Variants in NETO1 observed in about 807,000 individuals in gnomAD.
NETO1 encodes the protein neuropilin and tolloid-like protein 1.
A neutral mutation model predicts 61.3 loss-of-function variants in NETO1; 26 were observed. The ratio of observed to expected loss-of-function variants is 0.42; its 90% CI spans 0.31 to 0.59. The LOEUF (loss-of-function observed/expected upper bound fraction) is 0.59, where lower values mean the gene tolerates loss of function less well. Among genes scored for constraint, NETO1 ranks in the 20% least tolerant of loss-of-function variants. The pLI, the probability that NETO1 is intolerant of heterozygous loss-of-function variation, is 0.12. For missense variants in NETO1, 531 were observed against 662.8 expected (o/e 0.80, Z 2.18); for synonymous variants, 225 against 225.8 (o/e 1.00, Z 0.03).
At chr18:72,821,980 G>A (rs547011884) in intron 4 of NETO1, among the ~76,000 whole-genome samples, 1 of 152,284 alleles carries the variant, frequency 6.6e-6, no homozygotes, top group East Asian at 1.9e-4. Context: ...TGGGAGTGGG[G>A]CCACTGAGGA....
At chr18:72,772,089 T>C (rs1200315146) in intron 7 of NETO1, among the ~76,000 whole-genome samples, 2 of 152,180 alleles carry the variant, frequency 1.3e-5, no homozygotes, top group African/African-American at 2.4e-5. Context: ...GTCCCCACTT[T>C]CATGCTGACT....
chr18:72,748,298 A>C (rs527879601), intron 10 of NETO1, 134 bp from the exon 11 acceptor site: 1 of 984,700 alleles, frequency 1.0e-6, no homozygotes, highest in African/African-American at 1.7e-5. Context: ...TGAGGAGTTT[A>C]GAAGAGATTA....
intron 9 of NETO1, 54 bp from the exon 10 acceptor site, chr18:72,749,142 T>C: frequency 3.2e-6 from 3 of 941,046 alleles, no homozygotes; most frequent in Admixed American, 1.9e-5. Context: ...CAAAAAAATA[T>C]GTATACAAAT....
At chr18:72,766,920 T>C (rs2071184536) in intron 7 of NETO1, among the ~76,000 whole-genome samples, 1 of 152,232 alleles carries the variant, frequency 6.6e-6, no homozygotes, top group Non-Finnish European at 1.5e-5. Flanking sequence ...CAATGATCTC[T>C]TCAATGTGTG....
intron 3 of NETO1, among the ~76,000 whole-genome samples, chr18:72,862,643 CAG>C (rs1383830948): frequency 8.2e-6 from 1 of 122,204 alleles, no homozygotes; most frequent in African/African-American, 3.2e-5. Flanking sequence ...TTTTTTGAGA[CAG>C]AGTCTCGCTC....
chr18:72,765,431 T>A (rs960111909), intron 7 of NETO1, among the ~76,000 whole-genome samples: 13 of 151,690 alleles, frequency 8.6e-5, no homozygotes, highest in South Asian at 6.2e-4. Flanking sequence ...TTTTTTTTTT[T>A]AATTGGAGAT....
intron 4 of NETO1, among the ~76,000 whole-genome samples, chr18:72,857,620 C>G (rs9319858): frequency 6.6e-6 from 1 of 152,012 alleles, no homozygotes; most frequent in Non-Finnish European, 1.5e-5. Context: ...TACCTACCTT[C>G]CCATTTACAA....
chr18:72,748,028 C>T lies in NETO1; in HGVS notation c.*151G>A. The T allele has an allele frequency of 1.6e-6, 1 of 611,596 alleles. No individual in the cohort carries two copies. The highest frequency in any genetic ancestry group is 2.0e-6 in the Non-Finnish European group (1 of 488,500). The allele number at this position is 611,596 out of a possible 1,614,324, so 37.9% of individuals were successfully genotyped here. On this transcript the variant is annotated 3_prime_UTR_variant, in exon 11 of 11. Transcript: ENST00000327305. ...ATCAGTGTGCAGCGGGGATGTCTTG[C>T]CGAAGGAATAACAAATGTCTGTAAT...
intron 4 of NETO1, among the ~76,000 whole-genome samples, chr18:72,794,856 CT>C (rs1369896780): frequency 1.7e-4 from 26 of 152,178 alleles, no homozygotes; most frequent in African/African-American, 6.0e-4. Context: ...TCAAAATATT[CT>C]GTAAAGTGTA....
Position 72,750,061 on chromosome 18 carries a change from C to T in NETO1, c.1541+1G>A. 2 of 1,567,154 alleles carry T rather than the reference C, an allele frequency of 1.3e-6. No individual in the cohort carries two copies. The highest frequency in any genetic ancestry group is 1.7e-6 in the Non-Finnish European group (2 of 1,156,288). ...TCATCAAAAAATCTATTGATACTGACCGCTGGACGGCTTTATCGTGTCTGG... is the reference window on the plus strand; with the variant it reads ...TCATCAAAAAATCTATTGATACTGATCGCTGGACGGCTTTATCGTGTCTGG... On this transcript the variant is annotated splice_donor_variant, in intron 9 of 10. Coordinates refer to ENST00000327305, the MANE Select transcript of NETO1 (RefSeq NM_138966.5). LOFTEE classifies it high-confidence loss of function.
chr18:72,834,203 G>A, intron 4 of NETO1: 1 of 598,034 alleles, frequency 1.7e-6, no homozygotes, highest in Non-Finnish European at 2.1e-6. Flanking sequence ...ATGCATATTA[G>A]TGTACTGTAA....
intron 1 of NETO1, chr18:72,865,799 T>C (rs2074716723): frequency 4.6e-6 from 5 of 1,080,914 alleles, no homozygotes; most frequent in Middle Eastern, 3.3e-4. Context: ...AGCACCATTA[T>C]TGGAATGTTG....
chr18:72,815,099 G>C (rs1227283554), intron 4 of NETO1, among the ~76,000 whole-genome samples: 1 of 151,934 alleles, frequency 6.6e-6, no homozygotes, highest in African/African-American at 2.4e-5. Flanking sequence ...CATCTATCTT[G>C]GTGATCTATT....
intron 6 of NETO1, among the ~76,000 whole-genome samples, chr18:72,784,650 A>G (rs2071853826): frequency 6.6e-6 from 1 of 152,238 alleles, no homozygotes; most frequent in African/African-American, 2.4e-5. Flanking sequence ...AAAATTAGAC[A>G]TGAGCATCCT....
chr18:72,782,405 G>T (rs1426255115), intron 7 of NETO1, among the ~76,000 whole-genome samples: 1 of 152,162 alleles, frequency 6.6e-6, no homozygotes, highest in Non-Finnish European at 1.5e-5. Flanking sequence ...TTGCCAAACT[G>T]CTTTCCACAG....
chr18:72,795,409 T>A (rs1244167980), intron 4 of NETO1, among the ~76,000 whole-genome samples: 1 of 152,220 alleles, frequency 6.6e-6, no homozygotes, highest in Non-Finnish European at 1.5e-5. Flanking sequence ...ATGAAGAGCA[T>A]AATGACTATG....
chr18:72,743,901 C>T lies in NETO1; in HGVS notation c.*4278G>A, dbSNP rs1190643107. Reference sequence around the variant, plus strand: ...GAGCAAACCACTATAAAATAGCATGCCTCAGAGGTTGGAAAGATGGCAGAA... The same window carrying T: ...GAGCAAACCACTATAAAATAGCATGTCTCAGAGGTTGGAAAGATGGCAGAA... On this transcript the variant is annotated 3_prime_UTR_variant, in exon 11 of 11. Coordinates refer to ENST00000327305, the MANE Select transcript of NETO1 (RefSeq NM_138966.5). 1 of 152,042 alleles carries T rather than the reference C, an allele frequency of 6.6e-6. No individual in the cohort carries two copies. Among genetic ancestry groups the T allele is most frequent in the Non-Finnish European group, 1.5e-5 (1 of 68,030 alleles). 9.4% of individuals were successfully genotyped at this position (152,042 alleles called of 1,614,324 possible).
At chr18:72,760,121 A>T (rs1599106364) in intron 7 of NETO1, among the ~76,000 whole-genome samples, 1 of 152,240 alleles carries the variant, frequency 6.6e-6, no homozygotes, top group Non-Finnish European at 1.5e-5. Context: ...GTTTATTGAC[A>T]TCACCATTTT....
chr18:72,796,932 C>T (rs72966371), intron 4 of NETO1, among the ~76,000 whole-genome samples: 8,025 of 152,106 alleles, frequency 0.053, 301 homozygotes, highest in Non-Finnish European at 0.083. Flanking sequence ...TCAATAAATA[C>T]ATATTTAACA....
Sources: gnomAD v4.1 joint callset for allele counts (sites outside exome capture counted in the v4.1 genomes callset) on GRCh38, gnomAD v4.1.1 for gene constraint, MANE v1.5 for transcripts, NCBI Gene and HGNC (gene_info 2026-07-23, HGNC 2026-07-21) for gene names.